LY96: variants seen among roughly 807,000 people sequenced by gnomAD.
The protein encoded by LY96 is myeloid differentiation protein-2.
In LY96, 18 loss-of-function variants were observed where a neutral mutation model predicts 18.9. That is an observed-to-expected ratio of 0.95 (90% CI 0.66 to 1.41). LY96 has a LOEUF of 1.41. LY96 is among the 40% of genes most tolerant of loss of function. The probability of loss-of-function intolerance (pLI) is 0.00; values close to 1 mark genes in which losing one functional copy is unlikely to be tolerated. For synonymous variants in LY96, 66 were observed against 62.6 expected (o/e 1.06, Z -0.26); for missense variants, 175 against 182.4 (o/e 0.96, Z 0.23).
chr8:74,069,083 G>C, the LY96 span, among the ~76,000 whole-genome samples: 1 of 152,132 alleles, frequency 6.6e-6, no homozygotes, highest in African/African-American at 2.4e-5. Flanking sequence ...ATTGCGCCTG[G>C]CCAGAGTTTT....
intron 2 of LY96, among the ~76,000 whole-genome samples, chr8:74,007,000 G>T (rs184840001): frequency 1.3e-5 from 2 of 152,330 alleles, no homozygotes; most frequent in East Asian, 3.9e-4. Flanking sequence ...TCAGATTGGG[G>T]TGCAGGTCTG....
the LY96 span, among the ~76,000 whole-genome samples, chr8:74,086,679 C>G: frequency 1.3e-5 from 2 of 152,176 alleles, no homozygotes; most frequent in South Asian, 4.1e-4. Flanking sequence ...CCCTACCCTA[C>G]GTTCCCAAAT....
chr8:74,038,381 T>G, the LY96 span, among the ~76,000 whole-genome samples: 1 of 152,132 alleles, frequency 6.6e-6, no homozygotes, highest in Non-Finnish European at 1.5e-5. Context: ...ATCCTTCTAC[T>G]CTCTATCTCC....
intron 1 of LY96, among the ~76,000 whole-genome samples, chr8:73,998,287 A>C (rs1352513157): frequency 2.0e-5 from 3 of 152,218 alleles, no homozygotes; most frequent in Non-Finnish European, 4.4e-5. Context: ...TCTGTGCCAT[A>C]AACTGGGGCA....
At chr8:74,013,283 C>T (rs752612815) in intron 3 of LY96, among the ~76,000 whole-genome samples, 7 of 151,872 alleles carry the variant, frequency 4.6e-5, no homozygotes, top group African/African-American at 9.7e-5. Flanking sequence ...TCACCATGCC[C>T]GGCTAATTTT....
the LY96 span, among the ~76,000 whole-genome samples, chr8:74,049,668 C>A: frequency 6.6e-6 from 1 of 152,140 alleles, no homozygotes; most frequent in Non-Finnish European, 1.5e-5. Flanking sequence ...AGGGCATTCA[C>A]GCAATTCTAC....
chr8:74,045,414 C>T, the LY96 span, among the ~76,000 whole-genome samples: 1 of 152,184 alleles, frequency 6.6e-6, no homozygotes, highest in Non-Finnish European at 1.5e-5. Context: ...GAATCAAACC[C>T]TGACACATTT....
chr8:74,028,828 C>T, intron 4 of LY96, 128 bp from the exon 5 acceptor site: 1 of 568,700 alleles, frequency 1.8e-6, no homozygotes, highest in Non-Finnish European at 3.1e-6. Context: ...AATTTCGTCT[C>T]ATTGGAAAAC....
At chr8:74,083,404 T>A in the LY96 span, among the ~76,000 whole-genome samples, 1 of 151,942 alleles carries the variant, frequency 6.6e-6, no homozygotes, top group African/African-American at 2.4e-5. Context: ...TTAGTAGAGA[T>A]GGGGTTTCAC....
At chr8:74,019,909 T>A (rs1816724808) in intron 3 of LY96, among the ~76,000 whole-genome samples, 1 of 152,134 alleles carries the variant, frequency 6.6e-6, no homozygotes. Context: ...TAGCTATTGA[T>A]GGAACGTATC....
downstream of LY96, chr8:74,029,092 G>A: frequency 7.8e-7 from 1 of 1,280,230 alleles, no homozygotes; most frequent in South Asian, 1.2e-5. Flanking sequence ...TAAAGGTATT[G>A]TTCCTGTTTT....
chr8:74,035,839 T>C, the LY96 span, among the ~76,000 whole-genome samples: 3 of 152,214 alleles, frequency 2.0e-5, no homozygotes, highest in Non-Finnish European at 4.4e-5. Context: ...AATTAAAATC[T>C]ACCTATGACC....
chr8:74,081,118 T>TTCC, the LY96 span, among the ~76,000 whole-genome samples: 4 of 136,934 alleles, frequency 2.9e-5, no homozygotes, highest in African/African-American at 5.7e-5. Context: ...TCTTTCTTTC[T>TTCC]TTCTTTCCTT....
the LY96 span, among the ~76,000 whole-genome samples, chr8:74,045,912 A>G: frequency 6.6e-6 from 1 of 152,146 alleles, no homozygotes; most frequent in Non-Finnish European, 1.5e-5. Context: ...GACCTAGTCT[A>G]TAGTGGTCAG....
the LY96 span, among the ~76,000 whole-genome samples, chr8:74,077,082 C>A: frequency 4.6e-5 from 7 of 152,288 alleles, no homozygotes; most frequent in East Asian, 1.3e-3. Context: ...TCTAGAAAAT[C>A]TAGAGAGAAG....
At chr8:73,996,584 T>G (rs529051345) in intron 1 of LY96, among the ~76,000 whole-genome samples, 1 of 151,456 alleles carries the variant, frequency 6.6e-6, no homozygotes, top group Admixed American at 6.6e-5. Flanking sequence ...TGCCTGGCTA[T>G]TTTTTTCTGT....
At chr8:74,081,036 T>C in the LY96 span, among the ~76,000 whole-genome samples, 10 of 124,642 alleles carry the variant, frequency 8.0e-5, no homozygotes, top group African/African-American at 3.8e-4. Flanking sequence ...CTTTCTTTCT[T>C]TCTTTCTTTC....
intron 2 of LY96, among the ~76,000 whole-genome samples, chr8:74,005,960 G>A (rs116507106): frequency 0.012 from 1,869 of 152,052 alleles, 38 homozygotes; most frequent in African/African-American, 0.043. Context: ...ATTTTCCCCC[G>A]ATTTTAGTTC....
chr8:74,040,870 T>A, the LY96 span, among the ~76,000 whole-genome samples: 100 of 152,128 alleles, frequency 6.6e-4, no homozygotes, highest in African/African-American at 2.2e-3. Context: ...ACCGGGCTAA[T>A]TTTTTGTATT....
Sources: gnomAD v4.1 joint callset for allele counts (sites outside exome capture counted in the v4.1 genomes callset) on GRCh38, gnomAD v4.1.1 for gene constraint, MANE v1.5 for transcripts, NCBI Gene and HGNC (gene_info 2026-07-23, HGNC 2026-07-21) for gene names.